Variants in NEDD9 observed in about 807,000 individuals in gnomAD.
The protein encoded by NEDD9 is enhancer of filamentation 1.
In NEDD9, 26 loss-of-function variants were observed where a neutral mutation model predicts 76.6. The observed-to-expected ratio is 0.34, with a 90% CI of 0.25 to 0.47. The LOEUF is 0.47. Ranked by LOEUF, NEDD9 falls within the 20% of genes least tolerant of loss-of-function variation. The pLI, the probability that NEDD9 is intolerant of heterozygous loss-of-function variation, is 1.00. For missense variants in NEDD9, 937 were observed against 1,058.5 expected (o/e 0.89, Z 1.59); for synonymous variants, 392 against 414.2 (o/e 0.95, Z 0.65).
At chr6:11,215,828 AAAAC>A (rs1200978045) in intron 1 of NEDD9, among the ~76,000 whole-genome samples, 1 of 152,194 alleles carries the variant, frequency 6.6e-6, no homozygotes, top group Non-Finnish European at 1.5e-5. Context: ...AGAGAAACAG[AAAAC>A]AGTAGAAAGG....
intron 2 of NEDD9, among the ~76,000 whole-genome samples, chr6:11,314,134 T>C (rs966540517): frequency 1.3e-5 from 2 of 152,182 alleles, no homozygotes; most frequent in Admixed American, 1.3e-4. Flanking sequence ...TTGGACCATA[T>C]GTTGAGATTT....
At chr6:11,232,401 G>A (rs1236760928) in intron 1 of NEDD9, 103 bp downstream of exon 1, 6 of 1,429,074 alleles carry the variant, frequency 4.2e-6, no homozygotes, top group African/African-American at 1.4e-5. Context: ...AGAACTCTCC[G>A]GGACACACAA....
intron 3 of NEDD9, among the ~76,000 whole-genome samples, chr6:11,254,378 C>T (rs923766965): frequency 3.3e-5 from 5 of 152,038 alleles, no homozygotes; most frequent in Admixed American, 3.3e-4. Context: ...CTCAGCCTCC[C>T]GGGATTACAG....
At chr6:11,346,970 C>A (rs1406750158) in intron 1 of NEDD9, among the ~76,000 whole-genome samples, 1 of 152,146 alleles carries the variant, frequency 6.6e-6, no homozygotes, top group Non-Finnish European at 1.5e-5. Flanking sequence ...ATGCTCCAAC[C>A]CCTTCCCCTC....
At chr6:11,322,553 A>T (rs1339124078) in intron 2 of NEDD9, among the ~76,000 whole-genome samples, 1 of 152,142 alleles carries the variant, frequency 6.6e-6, no homozygotes, top group African/African-American at 2.4e-5. Flanking sequence ...GAAGGAGGAA[A>T]CCAGCTCCTC....
chr6:11,310,386 C>T (rs529484244), intron 2 of NEDD9, among the ~76,000 whole-genome samples: 20 of 152,230 alleles, frequency 1.3e-4, no homozygotes, highest in East Asian at 7.7e-4. Flanking sequence ...ACCTCCTTGC[C>T]GTTTGTCCTT....
chr6:11,282,631 T>A (rs1323049236), intron 3 of NEDD9, among the ~76,000 whole-genome samples: 1 of 152,110 alleles, frequency 6.6e-6, no homozygotes, highest in African/African-American at 2.4e-5. Context: ...AATTTTAGAG[T>A]CATTTTTTAC....
intron 3 of NEDD9, among the ~76,000 whole-genome samples, chr6:11,275,541 T>TAC (rs1374944991): frequency 6.8e-6 from 1 of 147,910 alleles, no homozygotes; most frequent in African/African-American, 2.6e-5. Flanking sequence ...TTAAAATACA[T>TAC]ACATACACAC....
intron 2 of NEDD9, among the ~76,000 whole-genome samples, chr6:11,210,534 G>A (rs1758753981): frequency 2.0e-5 from 3 of 152,094 alleles, no homozygotes; most frequent in East Asian, 1.9e-4. Context: ...AAAAAGCCAC[G>A]CCTGATCCCC....
At chr6:11,289,488 T>C (rs1286101075) in intron 3 of NEDD9, among the ~76,000 whole-genome samples, 1 of 152,216 alleles carries the variant, frequency 6.6e-6, no homozygotes, top group East Asian at 1.9e-4. Context: ...AGTCTCGCTA[T>C]TTCGCCCAGG....
chr6:11,312,193 G>T (rs576664095), intron 2 of NEDD9, among the ~76,000 whole-genome samples: 4 of 151,996 alleles, frequency 2.6e-5, no homozygotes, highest in Non-Finnish European at 5.9e-5. Flanking sequence ...CCCACCCTGT[G>T]CTCCACCTCT....
intron 1 of NEDD9, among the ~76,000 whole-genome samples, chr6:11,218,360 T>C (rs1759037206): frequency 6.6e-6 from 1 of 151,982 alleles, no homozygotes; most frequent in Admixed American, 6.6e-5. Flanking sequence ...TTTTTTTTTT[T>C]TTCTGTAGCA....
At chr6:11,365,047 G>C (rs981054721) in intron 1 of NEDD9, among the ~76,000 whole-genome samples, 3 of 152,072 alleles carry the variant, frequency 2.0e-5, no homozygotes, top group African/African-American at 7.2e-5. Flanking sequence ...GAGGTGGGTG[G>C]GCAGATTTAG....
intron 1 of NEDD9, among the ~76,000 whole-genome samples, chr6:11,337,816 G>A (rs1473283144): frequency 6.6e-6 from 1 of 152,204 alleles, no homozygotes; most frequent in African/African-American, 2.4e-5. Flanking sequence ...CCAACAAGCT[G>A]TTGTTCTTAG....
intron 1 of NEDD9, among the ~76,000 whole-genome samples, chr6:11,350,019 T>G (rs772061163): frequency 1.4e-4 from 21 of 152,228 alleles, no homozygotes; most frequent in Admixed American, 2.6e-4. Flanking sequence ...CACATTATCC[T>G]TCTAGGCTGA....
At chr6:11,293,706 A>G (rs1327756735) in intron 3 of NEDD9, among the ~76,000 whole-genome samples, 1 of 151,956 alleles carries the variant, frequency 6.6e-6, no homozygotes, top group African/African-American at 2.4e-5. Context: ...ATTTTTAACC[A>G]TGTCACCATG....
At chr6:11,269,608 A>C (rs904811937) in intron 3 of NEDD9, among the ~76,000 whole-genome samples, 1 of 151,490 alleles carries the variant, frequency 6.6e-6, no homozygotes, top group African/African-American at 2.4e-5. Flanking sequence ...CTTTCTGGTG[A>C]TTTCTTTCCT....
intron 2 of NEDD9, among the ~76,000 whole-genome samples, chr6:11,205,996 G>A (rs1758599718): frequency 6.6e-6 from 1 of 152,250 alleles, no homozygotes; most frequent in Non-Finnish European, 1.5e-5. Flanking sequence ...AACAGGAGCA[G>A]CACATCTCTC....
At position 11,280,557 on chromosome 6, in the gene NEDD9, A is replaced by G. The variant is rs113615384; in HGVS notation, c.12+25435T>C. Reference sequence around the variant, plus strand: ...CCTCTTCTCCCCTGCTCTGCACCCCAGAGTCTGACCTGCAGTTATTCCACT... The same window carrying G: ...CCTCTTCTCCCCTGCTCTGCACCCCGGAGTCTGACCTGCAGTTATTCCACT... On this transcript the variant is annotated intron_variant, in intron 3 of 3. Coordinates refer to the NEDD9 transcript ENST00000397378. Among the ~76,000 whole-genome samples, 553 of 152,296 alleles carry G rather than the reference A, an allele frequency of 3.6e-3. 2 individuals carry two copies. Among genetic ancestry groups the G allele is most frequent in the African/African-American group, 0.013 (526 of 41,562 alleles).
Sources: gnomAD v4.1 joint callset for allele counts (sites outside exome capture counted in the v4.1 genomes callset) on GRCh38, gnomAD v4.1.1 for gene constraint, MANE v1.5 for transcripts, NCBI Gene and HGNC (gene_info 2026-07-23, HGNC 2026-07-21) for gene names.